Variants in C12orf50 observed in about 807,000 individuals in gnomAD.
C12orf50 encodes zinc finger CCCH-type containing 11D.
C12orf50 carries 35 observed loss-of-function variants against 61.6 expected under a neutral mutation model. That is an observed-to-expected ratio of 0.57 (90% CI 0.43 to 0.75). The LOEUF (loss-of-function observed/expected upper bound fraction) is 0.75, where lower values mean the gene tolerates loss of function less well. C12orf50 is among the 30% of genes least tolerant of loss of function. The probability of loss-of-function intolerance (pLI) is 0.00; values close to 1 mark genes in which losing one functional copy is unlikely to be tolerated. For missense variants in C12orf50, 475 were observed against 488.5 expected (o/e 0.97, Z 0.26); for synonymous variants, 178 against 161.5 (o/e 1.10, Z -0.77).
intron 3 of C12orf50, among the ~76,000 whole-genome samples, chr12:88,003,906 G>T (rs1178168638): frequency 6.6e-6 from 1 of 151,826 alleles, no homozygotes; most frequent in Non-Finnish European, 1.5e-5. Flanking sequence ...TTGGTAAAAT[G>T]CCTCATATTT....
In C12orf50 at chr12:88,018,946, G is replaced by C. The variant is rs529287679; in HGVS notation, c.133+7542C>G. Among the ~76,000 whole-genome samples the C allele has an allele frequency of 2.0e-5, 3 of 152,308 alleles. No individual in the cohort carries two copies. The East Asian group carries it at 5.8e-4, about 29-fold the overall frequency. ...ATTTTACAGGATCACAGGCAGAAGG[G>C]ACTTGCCTTGTCTCAGATGAGACTT... On this transcript the variant is annotated intron_variant, in intron 3 of 12. Coordinates refer to ENST00000298699, the MANE Select transcript of C12orf50 (RefSeq NM_152589.3).
In C12orf50 at chr12:88,024,876, G is replaced by T. The variant is rs141022145; in HGVS notation, c.133+1612C>A. 2.5e-3 allele frequency among the ~76,000 whole-genome samples: 385 copies of T among 152,268 alleles called. 1 individual carries two copies. Among genetic ancestry groups the T allele is most frequent in the Non-Finnish European group, 4.2e-3 (284 of 68,024 alleles). On this transcript the variant is annotated intron_variant, in intron 3 of 12. Coordinates refer to ENST00000298699, the MANE Select transcript of C12orf50 (RefSeq NM_152589.3). Reference sequence around the variant, plus strand: ...GGGGTGATTAAATGTGTCAAATCCTGCTCGTGGTTCAAGTTACATAAGGAC... The same window carrying T: ...GGGGTGATTAAATGTGTCAAATCCTTCTCGTGGTTCAAGTTACATAAGGAC...
intron 3 of C12orf50, among the ~76,000 whole-genome samples, chr12:88,006,071 C>G (rs2031864685): frequency 6.6e-6 from 1 of 151,990 alleles, no homozygotes; most frequent in African/African-American, 2.4e-5. Context: ...CGCCCGCCAC[C>G]ACGCCCCGCT....
rs112656239 is a variant in C12orf50, at chr12:87,987,909, G to A, written c.758C>T (p.Thr253Met). 49 of 1,611,836 alleles carry A rather than the reference G, an allele frequency of 3.0e-5. No individual in the cohort carries two copies. Among genetic ancestry groups the A allele is most frequent in the African/African-American group, 1.2e-4 (9 of 74,802 alleles). Residue 253 changes from threonine to methionine, a missense_variant, in exon 9 of 13, where the codon ACG (threonine) becomes ATG (methionine). Thr to Met is a moderately conservative substitution (Grantham distance 81). Coordinates refer to ENST00000298699, the MANE Select transcript of C12orf50 (RefSeq NM_152589.3). The part of the protein sequence containing the change: ...HSLTTRLVPT[T>M]HVLNATENIS... Reference sequence around the variant, plus strand: ...ATTCTCAGTAGCATTTAATACATGCGTTGTAGGTACTAGTCGGGTAGTTAG... The same window carrying A: ...ATTCTCAGTAGCATTTAATACATGCATTGTAGGTACTAGTCGGGTAGTTAG...
At chr12:88,026,389 G>T in intron 3 of C12orf50, 99 bp downstream of exon 3, 1 of 1,359,226 alleles carries the variant, frequency 7.4e-7, no homozygotes, top group Non-Finnish European at 1.0e-6. Flanking sequence ...AAATTGCATT[G>T]CTCACCTTGT....
intron 3 of C12orf50, among the ~76,000 whole-genome samples, chr12:88,022,555 A>G (rs772311904): frequency 3.9e-5 from 6 of 152,190 alleles, no homozygotes; most frequent in Non-Finnish European, 8.8e-5. Flanking sequence ...GGAATCAAGG[A>G]AGTCAAATTA....
intron 3 of C12orf50, among the ~76,000 whole-genome samples, chr12:88,010,854 G>A (rs1592674313): frequency 6.6e-6 from 1 of 151,944 alleles, no homozygotes; most frequent in Non-Finnish European, 1.5e-5. Context: ...TCAGACACTG[G>A]TTAAGTTTAC....
intron 1 of C12orf50, among the ~76,000 whole-genome samples, chr12:88,027,334 A>G (rs1035160083): frequency 6.6e-6 from 1 of 152,228 alleles, no homozygotes; most frequent in Non-Finnish European, 1.5e-5. Context: ...TCGTTAATCC[A>G]TATGGTTCAC....
chr12:87,983,334 G>A, intron 11 of C12orf50, 139 bp from the exon 12 acceptor site: 2 of 473,640 alleles, frequency 4.2e-6, no homozygotes, highest in East Asian at 6.8e-5. Context: ...AAGGCATCAG[G>A]GATACAAGTG....
intron 12 of C12orf50, among the ~76,000 whole-genome samples, chr12:87,981,198 ATT>A (rs1183815353): frequency 6.6e-6 from 1 of 152,026 alleles, no homozygotes; most frequent in Non-Finnish European, 1.5e-5. Context: ...CAGATTTAAA[ATT>A]TTTTCTCAGG....
intron 6 of C12orf50, 103 bp downstream of exon 6, chr12:87,996,271 T>C (rs995950054): frequency 3.1e-5 from 25 of 818,420 alleles, no homozygotes; most frequent in Non-Finnish European, 7.8e-6. Context: ...TTACGATGTA[T>C]TATTTATCAC....
chr12:88,017,539 T>C (rs894242187), intron 3 of C12orf50, among the ~76,000 whole-genome samples: 1 of 152,220 alleles, frequency 6.6e-6, no homozygotes, highest in Non-Finnish European at 1.5e-5. Flanking sequence ...AGTGGAGCAC[T>C]GCTGGAAAGA....
intron 7 of C12orf50, among the ~76,000 whole-genome samples, chr12:87,993,213 ATAT>A (rs1272323531): frequency 1.3e-5 from 2 of 152,220 alleles, no homozygotes; most frequent in African/African-American, 4.8e-5. Context: ...AGTAGGTAAT[ATAT>A]TATTAATGTT....
intron 7 of C12orf50, among the ~76,000 whole-genome samples, chr12:87,991,075 G>T (rs1188841539): frequency 2.6e-5 from 4 of 152,080 alleles, no homozygotes; most frequent in Non-Finnish European, 5.9e-5. Flanking sequence ...TAAGGGTCTT[G>T]TCCGAGGAAT....
intron 3 of C12orf50, among the ~76,000 whole-genome samples, chr12:88,010,216 T>C (rs1030061669): frequency 6.6e-6 from 1 of 152,016 alleles, no homozygotes; most frequent in African/African-American, 2.4e-5. Flanking sequence ...TCCTAATCTC[T>C]ATCACTTCAT....
intron 3 of C12orf50, among the ~76,000 whole-genome samples, chr12:88,010,511 A>G (rs2032067380): frequency 6.7e-6 from 1 of 149,426 alleles, no homozygotes; most frequent in Admixed American, 6.7e-5. Context: ...ATAAGATTAT[A>G]AATGGAATCA....
At chr12:87,986,612 T>C (rs1285342317) in intron 9 of C12orf50, among the ~76,000 whole-genome samples, 196 bp from the exon 10 acceptor site, 1 of 152,178 alleles carries the variant, frequency 6.6e-6, no homozygotes, top group East Asian at 1.9e-4. Flanking sequence ...TGGAAATAGA[T>C]TGATGAAATA....
chr12:88,026,843 A>G (rs1186196449), intron 2 of C12orf50, 108 bp downstream of exon 2: 1 of 1,483,490 alleles, frequency 6.7e-7, no homozygotes, highest in Non-Finnish European at 9.0e-7. Context: ...CTAAAATCAA[A>G]TAGTAGAAGG....
intron 3 of C12orf50, among the ~76,000 whole-genome samples, chr12:88,001,362 T>C (rs1417069854): frequency 6.6e-6 from 1 of 151,518 alleles, no homozygotes; most frequent in Non-Finnish European, 1.5e-5. Flanking sequence ...TCTGAGTTAA[T>C]CTCACTTAGT....
Sources: allele counts gnomAD v4.1 joint callset (sites outside exome capture counted in the v4.1 genomes callset), GRCh38; gene constraint gnomAD v4.1.1; transcripts MANE v1.5; gene names NCBI Gene and HGNC (gene_info 2026-07-23, HGNC 2026-07-21).